SLC2A14: variants seen among roughly 807,000 people sequenced by gnomAD.
SLC2A14 encodes the protein solute carrier family 2, facilitated glucose transporter member 14.
In SLC2A14, 13 loss-of-function variants were observed where a neutral mutation model predicts 43.0. That is an observed-to-expected ratio of 0.30 (90% CI 0.20 to 0.48). The LOEUF (loss-of-function observed/expected upper bound fraction) is 0.48. SLC2A14 is among the 20% of genes least tolerant of loss of function. SLC2A14 has a pLI of 0.99. For missense variants in SLC2A14, 428 were observed against 620.4 expected, an observed-to-expected ratio of 0.69 and a Z score of 3.29; for synonymous variants, 190 against 233.8, an observed-to-expected ratio of 0.81 and a Z score of 1.71.
At chr12:7,826,834 T>TTTCCTTCCTTCC (rs71038778) in intron 7 of SLC2A14, among the ~76,000 whole-genome samples, 553 of 29,388 alleles carry the variant, frequency 0.019, 37 homozygotes, top group Admixed American at 0.028. Flanking sequence ...TCTTTCTTTC[T>TTTCCTTCCTTCC]TTCCTTCCTT....
At chr12:7,874,828 T>TATATATAAATAC (rs1945402808), upstream of SLC2A14, among the ~76,000 whole-genome samples, 1 of 66,408 alleles carries the variant, frequency 1.5e-5, no homozygotes, top group Non-Finnish European at 3.1e-5. Context: ...ATATATAAAT[T>TATATATAAATAC]ATATATAAAT....
chr12:7,867,903 T>C (rs890634881), intron 2 of SLC2A14, among the ~76,000 whole-genome samples: 1 of 151,792 alleles, frequency 6.6e-6, no homozygotes, highest in Non-Finnish European at 1.5e-5. Flanking sequence ...AGTAAACGTG[T>C]TGTGAATATT....
chr12:7,880,878 G>T (rs970189074), intron 1 of SLC2A14, among the ~76,000 whole-genome samples: 1 of 151,854 alleles, frequency 6.6e-6, no homozygotes, highest in Non-Finnish European at 1.5e-5. Context: ...GGTGGCTCAC[G>T]CCTGTAATCC....
intron 7 of SLC2A14, among the ~76,000 whole-genome samples, chr12:7,827,007 C>CTCCTT (rs1565508982): frequency 7.4e-6 from 1 of 136,006 alleles, no homozygotes; most frequent in East Asian, 2.3e-4. Context: ...TCTCCTTTCT[C>CTCCTT]TCTCTCTCTT....
At chr12:7,873,173 T>C, upstream of SLC2A14, 1 of 985,746 alleles carries the variant, frequency 1.0e-6, no homozygotes, top group Non-Finnish European at 1.2e-6. Flanking sequence ...GGGAACTCTT[T>C]ACGGGGAAAC....
chr12:7,814,562 T>C, intron 10 of SLC2A14, 28 bp from the exon 11 acceptor site: 2 of 1,598,092 alleles, frequency 1.3e-6, no homozygotes, highest in Non-Finnish European at 1.7e-6. Context: ...AAAAGGAAGG[T>C]TGATATAAAA....
intron 2 of SLC2A14, among the ~76,000 whole-genome samples, chr12:7,855,011 T>C (rs151200494): frequency 0.023 from 3,533 of 152,134 alleles, 75 homozygotes; most frequent in Middle Eastern, 0.054. Flanking sequence ...GGTTTCACCA[T>C]GTTGGCGAGG....
In SLC2A14 at chr12:7,813,445, C is replaced by T. The variant is rs747709281; in HGVS notation, c.*871G>A. ...CCATCCAAAATTAGAACCCATCAAC[C>T]GCCATTAACTACAATGCCCATATTA... On this transcript the variant is annotated 3_prime_UTR_variant, in exon 11 of 11. Coordinates refer to ENST00000431042, the MANE Select transcript of SLC2A14 (RefSeq NM_001286234.2). The T allele has an allele frequency of 4.6e-5, 7 of 152,236 alleles. No individual in the cohort carries two copies. The highest frequency in any genetic ancestry group is 1.9e-4 in the East Asian group (1 of 5,182). The allele number at this position is 152,236 out of a possible 1,614,324, so 9.4% of individuals were successfully genotyped here.
At chr12:7,846,224 G>A (rs1866454768) in intron 2 of SLC2A14, among the ~76,000 whole-genome samples, 2 of 152,074 alleles carry the variant, frequency 1.3e-5, no homozygotes, top group Non-Finnish European at 2.9e-5. Flanking sequence ...AGCTCTCCAG[G>A]TGGAGGTCAA....
At chr12:7,866,426 A>G (rs7298243) in intron 2 of SLC2A14, among the ~76,000 whole-genome samples, 1 of 151,878 alleles carries the variant, frequency 6.6e-6, no homozygotes, top group Non-Finnish European at 1.5e-5. Context: ...GTGCAGTGGC[A>G]TGATCTCAGC....
chr12:7,820,976 C>T (rs775489339), intron 8 of SLC2A14, among the ~76,000 whole-genome samples: 1 of 152,026 alleles, frequency 6.6e-6, no homozygotes, highest in South Asian at 2.1e-4. Flanking sequence ...ATCCGAGCTA[C>T]TTCGGAAGGC....
intron 2 of SLC2A14, among the ~76,000 whole-genome samples, chr12:7,853,628 A>C (rs1235946231): frequency 6.6e-6 from 1 of 151,926 alleles, no homozygotes; most frequent in Non-Finnish European, 1.5e-5. Context: ...AAAACAGATG[A>C]ATTATAAAAG....
chr12:7,824,102 AAAAAT>A (rs1864149433), intron 7 of SLC2A14, among the ~76,000 whole-genome samples: 1 of 151,950 alleles, frequency 6.6e-6, no homozygotes, highest in Non-Finnish European at 1.5e-5. Context: ...TTAAAAATAC[AAAAAT>A]CAGCCGGGTG....
chr12:7,823,174 G>A (rs957783582), intron 7 of SLC2A14, among the ~76,000 whole-genome samples: 1 of 152,076 alleles, frequency 6.6e-6, no homozygotes, highest in Non-Finnish European at 1.5e-5. Context: ...CCTGAGGTCA[G>A]GAGTTCAAGA....
At chr12:7,874,740 A>ATAT (rs1341284879), upstream of SLC2A14, among the ~76,000 whole-genome samples, 45 of 3,914 alleles carry the variant, frequency 0.011, no homozygotes, top group South Asian at 0.2. Flanking sequence ...AATATATAAA[A>ATAT]ATATATATAA....
chr12:7,850,558 G>C (rs868223994), intron 2 of SLC2A14, among the ~76,000 whole-genome samples: 1 of 152,042 alleles, frequency 6.6e-6, no homozygotes, highest in Non-Finnish European at 1.5e-5. Flanking sequence ...ACCACACCCG[G>C]CTAATGTTTG....
At chr12:7,842,475 G>T (rs1402373264) in intron 2 of SLC2A14, among the ~76,000 whole-genome samples, 2 of 152,202 alleles carry the variant, frequency 1.3e-5, no homozygotes, top group Non-Finnish European at 1.5e-5. Context: ...AGCGGGAAAA[G>T]ACTTCTTCTA....
At chr12:7,874,782 T>C (rs1230905078), upstream of SLC2A14, among the ~76,000 whole-genome samples, 1 of 4,166 alleles carries the variant, frequency 2.4e-4, no homozygotes, top group African/African-American at 4.9e-4. Flanking sequence ...CATATATAAA[T>C]ATATAAATAT....
At chr12:7,883,047 A>G (rs1398337447) in intron 1 of SLC2A14, among the ~76,000 whole-genome samples, 3 of 151,708 alleles carry the variant, frequency 2.0e-5, no homozygotes, top group African/African-American at 7.3e-5. Flanking sequence ...TGTCTCTACT[A>G]AAAATACAAA....
Sources: gnomAD v4.1 joint callset for allele counts (sites outside exome capture counted in the v4.1 genomes callset) on GRCh38, gnomAD v4.1.1 for gene constraint, MANE v1.5 for transcripts, NCBI Gene and HGNC (gene_info 2026-07-23, HGNC 2026-07-21) for gene names.